Variants in PPP1R42 observed in about 807,000 individuals in gnomAD.
PPP1R42 encodes protein phosphatase 1 regulatory subunit 42, also known as leucine rich repeat containing 67.
Under a neutral mutation model 31.0 loss-of-function variants are expected in PPP1R42, and 34 were observed. The ratio of observed to expected loss-of-function variants is 1.10; its 90% CI spans 0.83 to 1.46. The LOEUF is 1.46. Ranked by LOEUF, PPP1R42 falls within the 40% of genes most tolerant of loss-of-function variation. PPP1R42 has a pLI of 0.00. For missense variants in PPP1R42, 268 were observed against 303.0 expected (o/e 0.88, Z 0.86); for synonymous variants, 103 against 109.8 (o/e 0.94, Z 0.39).
At chr8:66,981,650 G>C (rs1420580240) in intron 7 of PPP1R42, among the ~76,000 whole-genome samples, 1 of 152,088 alleles carries the variant, frequency 6.6e-6, no homozygotes, top group African/African-American at 2.4e-5. Context: ...CAAAGTGCTG[G>C]GATTACAGGT....
chr8:66,964,922 A>C (rs188268585), intron 7 of PPP1R42, among the ~76,000 whole-genome samples: 4 of 152,136 alleles, frequency 2.6e-5, no homozygotes, highest in Non-Finnish European at 5.9e-5. Flanking sequence ...TCTTGTGCTG[A>C]CCCTTTGCAG....
intron 1 of PPP1R42, chr8:67,021,159 C>T (rs1367586982): frequency 6.6e-6 from 1 of 152,082 alleles, no homozygotes; most frequent in Non-Finnish European, 1.5e-5. Context: ...TAAAATACCT[C>T]AATGTGAACA....
At position 67,013,047 on chromosome 8, in the gene PPP1R42, C is replaced by T; in HGVS notation, c.346G>A (p.Gly116Arg). 1.2e-6 allele frequency: 2 copies of T among 1,611,866 alleles called. No homozygotes were observed. The highest frequency in any genetic ancestry group is 1.7e-6 in the Non-Finnish European group (2 of 1,179,054). Residue 116 changes from glycine (G) to arginine (R), a missense_variant, in exon 4 of 8, where the codon GGA becomes AGA. Transcript: ENST00000685739. ...TCAACATGAAGCTCTCTTAGTTCTCCTAATCCTTCTAAACCTTCTATGACA... is the reference window on the plus strand; with the variant it reads ...TCAACATGAAGCTCTCTTAGTTCTCTTAATCCTTCTAAACCTTCTATGACA... ...IAVIEGLEGLGELRELHVENQ... is the reference protein window; with the variant it reads ...IAVIEGLEGLRELRELHVENQ...
At chr8:66,986,138 C>T in intron 6 of PPP1R42, 1 of 658,892 alleles carries the variant, frequency 1.5e-6, no homozygotes, top group Non-Finnish European at 2.9e-6. Flanking sequence ...GCTGTGACCA[C>T]TGTAGGCTCT....
chr8:66,976,527 C>T (rs1585635411), intron 7 of PPP1R42, among the ~76,000 whole-genome samples: 1 of 151,796 alleles, frequency 6.6e-6, no homozygotes, highest in East Asian at 1.9e-4. Context: ...CCAAATCTCT[C>T]TCTTCCCTTG....
chr8:67,026,074 GA>G (rs1816388266), intron 1 of PPP1R42, among the ~76,000 whole-genome samples: 1 of 151,796 alleles, frequency 6.6e-6, no homozygotes, highest in Non-Finnish European at 1.5e-5. Flanking sequence ...GGTGGCTCAT[GA>G]TTGTAATCCC....
rs536961241 is a variant in PPP1R42 at position 67,013,676 on chromosome 8, C to A, written c.297-580G>T. Among the ~76,000 whole-genome samples, 5 of 152,104 alleles carry A rather than the reference C, an allele frequency of 3.3e-5. No individual in the cohort carries two copies. The East Asian group carries it at 9.6e-4, about 29-fold the overall frequency. ...TCAAGGCTGAGATGAGTCATGATCGCGCCACTGCATTCCAGCCTGGGTGAC... is the reference window on the plus strand; with the variant it reads ...TCAAGGCTGAGATGAGTCATGATCGAGCCACTGCATTCCAGCCTGGGTGAC... On this transcript the variant is annotated intron_variant, in intron 3 of 7. Transcript: ENST00000685739.
At chr8:67,026,923 T>TG (rs1380612895) in intron 1 of PPP1R42, 1 of 147,762 alleles carries the variant, frequency 6.8e-6, no homozygotes, top group Non-Finnish European at 1.5e-5. Flanking sequence ...TTTCCTGAGA[T>TG]GGAGTCTTGG....
intron 1 of PPP1R42, among the ~76,000 whole-genome samples, chr8:67,025,111 A>AT (rs753305987): frequency 7.1e-4 from 100 of 141,058 alleles, no homozygotes; most frequent in Admixed American, 1.8e-3. Flanking sequence ...CTAATTTTTT[A>AT]TTTTTTTTAT....
chr8:66,983,814 G>A (rs1814918769), intron 6 of PPP1R42, among the ~76,000 whole-genome samples: 1 of 151,996 alleles, frequency 6.6e-6, no homozygotes, highest in Non-Finnish European at 1.5e-5. Context: ...CTTATTTCAT[G>A]TACTTTTTTT....
intron 7 of PPP1R42, among the ~76,000 whole-genome samples, chr8:66,980,093 G>A (rs1413088112): frequency 6.6e-6 from 1 of 152,030 alleles, no homozygotes; most frequent in African/African-American, 2.4e-5. Flanking sequence ...AATGAACAGA[G>A]GAAAAATACC....
chr8:67,012,379 C>T (rs997412865), intron 4 of PPP1R42, among the ~76,000 whole-genome samples: 7 of 152,112 alleles, frequency 4.6e-5, no homozygotes, highest in Non-Finnish European at 8.8e-5. Context: ...AAGTGGTACC[C>T]TCTGGCTTCT....
chr8:66,988,228 T>C (rs1815084921), intron 6 of PPP1R42, 172 bp downstream of exon 6: 1 of 1,242,612 alleles, frequency 8.0e-7, no homozygotes, highest in East Asian at 3.3e-5. Flanking sequence ...ATGTTTTTCA[T>C]GCTTTATTTG....
intron 3 of PPP1R42, among the ~76,000 whole-genome samples, 160 bp downstream of exon 3, chr8:67,014,266 A>C (rs1384013737): frequency 6.6e-6 from 1 of 152,278 alleles, no homozygotes; most frequent in East Asian, 1.9e-4. Flanking sequence ...CCATGTGGGA[A>C]TCATATGGTT....
At chr8:67,021,067 CTTCACA>C (rs1324205529) in intron 1 of PPP1R42, among the ~76,000 whole-genome samples, 2 of 152,180 alleles carry the variant, frequency 1.3e-5, no homozygotes, top group Non-Finnish European at 1.5e-5. Context: ...CCCAATTGTG[CTTCACA>C]TTCTTTTACT....
In PPP1R42 at chr8:66,988,441, G is replaced by A; in HGVS notation, c.629C>T (p.Pro210Leu). The A allele has an allele frequency of 6.2e-7, 1 of 1,605,858 alleles. No homozygotes were observed. Among genetic ancestry groups the A allele is most frequent in the Non-Finnish European group, 8.5e-7 (1 of 1,175,140 alleles). ...CAATATCAGTCTGTCCCTGTATTTT[G>A]GTTTGAGACAAACAGGATTTCCATT... Reference protein sequence around the residue: ...DLNGNPVCLKPKYRDRLILVS... With the variant: ...DLNGNPVCLKLKYRDRLILVS... Residue 210 changes from proline (P) to leucine (L), a missense_variant, in exon 6 of 8, where the codon CCA (proline) becomes CTA (leucine). Transcript: ENST00000685739.
At chr8:66,981,321 A>G (rs1250762208) in intron 7 of PPP1R42, among the ~76,000 whole-genome samples, 1 of 152,008 alleles carries the variant, frequency 6.6e-6, no homozygotes, top group African/African-American at 2.4e-5. Flanking sequence ...GAGACAGTCC[A>G]CAGATGTGGT....
At chr8:66,988,257 C>T in intron 6 of PPP1R42, 143 bp downstream of exon 6, 3 of 1,265,708 alleles carry the variant, frequency 2.4e-6, no homozygotes, top group Non-Finnish European at 3.0e-6. Context: ...AACTTTTGCT[C>T]TTATTCAAAA....
At chr8:67,018,575 C>T (rs1324230813) in intron 1 of PPP1R42, among the ~76,000 whole-genome samples, 9 of 151,436 alleles carry the variant, frequency 5.9e-5, no homozygotes, top group African/African-American at 1.2e-4. Context: ...TGCAGTGGCA[C>T]GGTCTTGGCT....
Sources: allele counts gnomAD v4.1 joint callset (sites outside exome capture counted in the v4.1 genomes callset), GRCh38; gene constraint gnomAD v4.1.1; transcripts MANE v1.5; gene names NCBI Gene and HGNC (gene_info 2026-07-23, HGNC 2026-07-21).